The following ITGA9 variants were observed in gnomAD, a reference collection of about 807,000 sequenced individuals.
ITGA9 encodes integrin subunit alpha 9.
In ITGA9, 56 loss-of-function variants were observed where a neutral mutation model predicts 127.8. The ratio of observed to expected loss-of-function variants is 0.44; its 90% CI spans 0.35 to 0.55. The LOEUF is 0.55. Among genes scored for constraint, ITGA9 ranks in the 20% least tolerant of loss-of-function variants. The pLI is 0.00. For synonymous variants in ITGA9, 508 were observed against 514.5 expected (o/e 0.99, Z 0.17); for missense variants, 1,196 against 1,347.1 (o/e 0.89, Z 1.76).
At chr3:37,532,214 A>G (rs1699159329) in intron 13 of ITGA9, among the ~76,000 whole-genome samples, 1 of 152,016 alleles carries the variant, frequency 6.6e-6, no homozygotes, top group Non-Finnish European at 1.5e-5. Context: ...TGTTATCACT[A>G]CTCTCTGTTG....
chr3:37,548,118 A>G (rs1296924068), intron 15 of ITGA9, among the ~76,000 whole-genome samples: 1 of 152,258 alleles, frequency 6.6e-6, no homozygotes. Flanking sequence ...ACAACTCAGC[A>G]ATAACAATAT....
chr3:37,475,524 A>T (rs1454709801), intron 3 of ITGA9, among the ~76,000 whole-genome samples: 1 of 152,240 alleles, frequency 6.6e-6, no homozygotes, highest in Non-Finnish European at 1.5e-5. Flanking sequence ...AAAGGGAGCC[A>T]AGAAGGCAGC....
chr3:37,464,339 AG>A (rs1427553502), intron 1 of ITGA9, among the ~76,000 whole-genome samples: 1 of 150,874 alleles, frequency 6.6e-6, no homozygotes, highest in Admixed American at 6.6e-5. Flanking sequence ...TGCAATTCTA[AG>A]GATCTATGAG....
chr3:37,784,843 G>A, intron 25 of ITGA9, 134 bp from the exon 26 acceptor site: 3 of 714,260 alleles, frequency 4.2e-6, no homozygotes, highest in Non-Finnish European at 7.7e-6. Context: ...GGGATGGAGA[G>A]GTATCTAGTT....
chr3:37,744,478 C>T (rs904109729), intron 22 of ITGA9, among the ~76,000 whole-genome samples: 11 of 152,240 alleles, frequency 7.2e-5, no homozygotes, highest in South Asian at 2.1e-4. Flanking sequence ...AACAGCCTTT[C>T]GGAAGGGCAG....
At chr3:37,453,128 C>CA (rs1236380133) in intron 1 of ITGA9, among the ~76,000 whole-genome samples, 1 of 151,394 alleles carries the variant, frequency 6.6e-6, no homozygotes, top group African/African-American at 2.4e-5. Context: ...CCCCCCCCCC[C>CA]CCAGCTCCTA....
chr3:37,585,986 A>G (rs1473300453), intron 15 of ITGA9, among the ~76,000 whole-genome samples: 3 of 152,202 alleles, frequency 2.0e-5, no homozygotes, highest in Non-Finnish European at 4.4e-5. Flanking sequence ...TATGATTCTC[A>G]CGTTCTGGTC....
At chr3:37,574,194 G>A (rs1366631972) in intron 15 of ITGA9, among the ~76,000 whole-genome samples, 4 of 152,188 alleles carry the variant, frequency 2.6e-5, no homozygotes, top group African/African-American at 9.7e-5. Flanking sequence ...TTTTGGTTCT[G>A]ATATTCTTCA....
At chr3:37,503,371 A>T (rs1698807948) in intron 6 of ITGA9, 64 bp downstream of exon 6, 2 of 1,572,854 alleles carry the variant, frequency 1.3e-6, no homozygotes, top group African/African-American at 1.3e-5. Flanking sequence ...CCAGATTCAC[A>T]AATTATTGCT....
intron 15 of ITGA9, among the ~76,000 whole-genome samples, chr3:37,577,247 C>T (rs1257900912): frequency 6.6e-6 from 1 of 152,248 alleles, no homozygotes; most frequent in Non-Finnish European, 1.5e-5. Context: ...GCCTTTCTGC[C>T]CCACTTCCAG....
chr3:37,468,367 T>A (rs1698393909), intron 1 of ITGA9, among the ~76,000 whole-genome samples: 1 of 152,044 alleles, frequency 6.6e-6, no homozygotes, highest in Admixed American at 6.6e-5. Flanking sequence ...CTCCAATTCT[T>A]CAGGTTCTAG....
rs980092717 is a variant in ITGA9, at chr3:37,503,237, G to A, written c.672G>A (p.Leu224=). Residue 224 remains leucine (L), a synonymous_variant, in exon 6 of 28, where the codon CTG becomes CTA. Transcript: ENST00000264741. ...SFYWAGTIKV[L]NLTDNTYLKL... ...ATTGGGCTGGAACCATCAAAGTGCT[G>A]AACCTTACGGACAACACCTATTTAA... 1 of 1,613,976 alleles carries A rather than the reference G, an allele frequency of 6.2e-7. No homozygotes were observed. The highest frequency in any genetic ancestry group is 8.5e-7 in the Non-Finnish European group (1 of 1,179,998).
At chr3:37,681,590 C>G (rs1009325133) in intron 17 of ITGA9, among the ~76,000 whole-genome samples, 2 of 152,132 alleles carry the variant, frequency 1.3e-5, no homozygotes, top group East Asian at 1.9e-4. Context: ...TGCTGAGTGG[C>G]CAAAAATAAC....
chr3:37,592,601 A>G (rs778000954), intron 15 of ITGA9, among the ~76,000 whole-genome samples: 30 of 152,144 alleles, frequency 2.0e-4, no homozygotes, highest in Non-Finnish European at 3.8e-4. Context: ...ATGACTCCAC[A>G]TATCAGTGGT....
intron 18 of ITGA9, among the ~76,000 whole-genome samples, chr3:37,731,834 T>C (rs543358210): frequency 4.1e-4 from 62 of 152,344 alleles, no homozygotes; most frequent in African/African-American, 1.5e-3. Flanking sequence ...AGATATATTA[T>C]GGTAAATGCT....
At chr3:37,519,649 T>A (rs772934556) in intron 11 of ITGA9, among the ~76,000 whole-genome samples, 2 of 152,248 alleles carry the variant, frequency 1.3e-5, no homozygotes, top group Non-Finnish European at 2.9e-5. Flanking sequence ...AAGCTTTCTC[T>A]TTTTGGTGAC....
At chr3:37,459,513 C>T (rs947249766) in intron 1 of ITGA9, among the ~76,000 whole-genome samples, 1 of 152,204 alleles carries the variant, frequency 6.6e-6, no homozygotes, top group African/African-American at 2.4e-5. Context: ...TCCTCATGAC[C>T]TAATCACCTC....
chr3:37,593,881 T>TCCTTGGCCTTGG (rs11281473), intron 15 of ITGA9, among the ~76,000 whole-genome samples: 181 of 151,606 alleles, frequency 1.2e-3, no homozygotes, highest in African/African-American at 4.1e-3. Flanking sequence ...TCCTCTGCTC[T>TCCTTGGCCTTGG]CCTTGGCCTT....
chr3:37,748,671 CCA>C, intron 22 of ITGA9: 1 of 530,500 alleles, frequency 1.9e-6, no homozygotes, highest in African/African-American at 1.9e-5. Flanking sequence ...TTGTTCGAAT[CCA>C]GGAGGTGGAA....
Sources: gnomAD v4.1 joint callset for allele counts (sites outside exome capture counted in the v4.1 genomes callset) on GRCh38, gnomAD v4.1.1 for gene constraint, MANE v1.5 for transcripts, NCBI Gene and HGNC (gene_info 2026-07-23, HGNC 2026-07-21) for gene names.